TNIP3: variants seen among roughly 807,000 people sequenced by gnomAD.
TNIP3 encodes the protein TNFAIP3 interacting protein 3, also known as TNFAIP3-interacting protein 3.
In TNIP3, 34 loss-of-function variants were observed where a neutral mutation model predicts 54.1. The ratio of observed to expected loss-of-function variants is 0.63; its 90% CI spans 0.48 to 0.84. The LOEUF (loss-of-function observed/expected upper bound fraction) is 0.84. TNIP3 is among the 40% of genes least tolerant of loss of function. TNIP3 has a pLI of 0.00. For synonymous variants in TNIP3, 134 were observed against 136.8 expected (o/e 0.98, Z 0.14); for missense variants, 366 against 387.6 (o/e 0.94, Z 0.47).
At chr4:121,174,955 G>C (rs186055914) in intron 3 of TNIP3, among the ~76,000 whole-genome samples, 2 of 152,158 alleles carry the variant, frequency 1.3e-5, no homozygotes, top group South Asian at 2.1e-4. Context: ...GAGAAAGAAG[G>C]CTTATTGATG....
chr4:121,144,446 G>A (rs549341297), intron 7 of TNIP3, among the ~76,000 whole-genome samples: 2 of 152,180 alleles, frequency 1.3e-5, no homozygotes, highest in South Asian at 2.1e-4. Context: ...CTGTTGCCCA[G>A]ACTGGAATGC....
chr4:121,213,522 C>A (rs778419919), intron 2 of TNIP3, among the ~76,000 whole-genome samples: 1 of 151,852 alleles, frequency 6.6e-6, no homozygotes, highest in South Asian at 2.1e-4. Context: ...GTCAGGAGAT[C>A]GAGACCATTC....
chr4:121,149,530 G>C (rs945007358), intron 6 of TNIP3, among the ~76,000 whole-genome samples: 1 of 152,182 alleles, frequency 6.6e-6, no homozygotes, highest in African/African-American at 2.4e-5. Context: ...ACTTTGGAAG[G>C]CCGAGGCAGG....
At position 121,176,513 on chromosome 4, in the gene TNIP3, T is replaced by TGA. The variant is rs1305921286; in HGVS notation, c.189+6162_189+6163insTC. On this transcript the variant is annotated intron_variant, in intron 3 of 12. Transcript: ENST00000507879. ...GAGGCTCAAGCTCATCCTACTAGCA[T>TGA]TATGATGATGATGATGATGATGATG... 4.4e-3 allele frequency among the ~76,000 whole-genome samples: 480 copies of TGA among 108,720 alleles called. 3 individuals carry two copies. Among genetic ancestry groups the TGA allele is most frequent in the African/African-American group, 0.013 (454 of 33,636 alleles). 71.3% of individuals were successfully genotyped at this position (108,720 alleles called of 152,430 possible).
chr4:121,204,244 C>A (rs1305347706), intron 2 of TNIP3, among the ~76,000 whole-genome samples: 6 of 152,138 alleles, frequency 3.9e-5, no homozygotes, highest in Non-Finnish European at 8.8e-5. Flanking sequence ...TTCAAAGTCA[C>A]CCCTTTGTTC....
At chr4:121,197,647 TA>T (rs1725672002) in intron 2 of TNIP3, among the ~76,000 whole-genome samples, 1 of 152,142 alleles carries the variant, frequency 6.6e-6, no homozygotes, top group South Asian at 2.1e-4. Context: ...AGATTATCTT[TA>T]ACATGTAAAT....
intron 3 of TNIP3, 122 bp from the exon 4 acceptor site, chr4:121,157,365 G>T (rs1730181416): frequency 7.3e-6 from 9 of 1,237,504 alleles, no homozygotes; most frequent in Non-Finnish European, 1.0e-5. Context: ...CCTAAGGAGA[G>T]GTTCTAGCTC....
At chr4:121,173,494 G>A (rs1724106424) in intron 3 of TNIP3, among the ~76,000 whole-genome samples, 1 of 152,194 alleles carries the variant, frequency 6.6e-6, no homozygotes, top group South Asian at 2.1e-4. Flanking sequence ...TTTTAAAACT[G>A]TAATCTGTGT....
chr4:121,166,430 C>CCA (rs1730770808), upstream of TNIP3, among the ~76,000 whole-genome samples: 2 of 152,292 alleles, frequency 1.3e-5, no homozygotes, highest in South Asian at 4.1e-4. Flanking sequence ...TCACATTGTG[C>CCA]CACATATTTT....
chr4:121,174,626 A>G (rs1443976349), intron 3 of TNIP3, among the ~76,000 whole-genome samples: 1 of 152,064 alleles, frequency 6.6e-6, no homozygotes, highest in African/African-American at 2.4e-5. Flanking sequence ...GGTTTTAATG[A>G]CAAACGTTTA....
chr4:121,212,716 G>C, intron 2 of TNIP3, among the ~76,000 whole-genome samples: 1 of 152,142 alleles, frequency 6.6e-6, no homozygotes, highest in East Asian at 1.9e-4. Flanking sequence ...TACATTTTCA[G>C]GGATGTCTGT....
intron 2 of TNIP3, among the ~76,000 whole-genome samples, chr4:121,201,748 T>C (rs562117931): frequency 4.6e-5 from 7 of 152,358 alleles, no homozygotes; most frequent in African/African-American, 1.7e-4. Context: ...TATTCATTTA[T>C]TCAACAGTTA....
Position 121,132,606 on chromosome 4 carries a change from T to G in TNIP3, c.*25A>C. The G allele has an allele frequency of 1.2e-6, 2 of 1,611,480 alleles. No homozygotes were observed. Among genetic ancestry groups the G allele is most frequent in the Admixed American group, 3.3e-5 (2 of 59,976 alleles). Reference sequence around the variant, plus strand: ...TCAGCCACGCTCCCTCGTTGCCTGTTGTCTCTCTCTGTTAGTGTGTACTTC... The same window carrying G: ...TCAGCCACGCTCCCTCGTTGCCTGTGGTCTCTCTCTGTTAGTGTGTACTTC... On this transcript the variant is annotated 3_prime_UTR_variant, in exon 11 of 11. Coordinates refer to ENST00000057513, the MANE Select transcript of TNIP3 (RefSeq NM_024873.6).
intron 1 of TNIP3, among the ~76,000 whole-genome samples, chr4:121,162,848 TTA>T (rs1730535615): frequency 6.6e-6 from 1 of 152,210 alleles, no homozygotes; most frequent in African/African-American, 2.4e-5. Flanking sequence ...AGGGAATAAA[TTA>T]TGGGTCCTCA....
intron 2 of TNIP3, among the ~76,000 whole-genome samples, chr4:121,186,767 A>C (rs1368009563): frequency 6.6e-6 from 1 of 152,226 alleles, no homozygotes; most frequent in African/African-American, 2.4e-5. Flanking sequence ...CCATAAATTT[A>C]GTATACCACC....
At chr4:121,160,989 G>A (rs946712232) in intron 2 of TNIP3, 147 bp downstream of exon 2, 16 of 661,686 alleles carry the variant, frequency 2.4e-5, no homozygotes, top group East Asian at 8.5e-5. Context: ...GAAAGAAGGC[G>A]TTTGCTTTCA....
At chr4:121,166,735 T>A (rs2148818729), upstream of TNIP3, among the ~76,000 whole-genome samples, 1 of 152,328 alleles carries the variant, frequency 6.6e-6, no homozygotes, top group African/African-American at 2.4e-5. Context: ...TTGGAGGCAT[T>A]CTTTGGCAGG....
intron 2 of TNIP3, among the ~76,000 whole-genome samples, chr4:121,204,460 G>A (rs13109100): frequency 6.6e-6 from 1 of 151,978 alleles, no homozygotes; most frequent in South Asian, 2.1e-4. Context: ...ACAATCAAAC[G>A]GTGCGCTGAC....
Position 121,177,747 on chromosome 4 carries a change from A to G in TNIP3, c.189+4929T>C, listed in dbSNP as rs568119349. ...TTATATTTTTTCCCTTTCTATCAAT[A>G]TCTCAGCAAAAATGTGAAGGTCTTT... On this transcript the variant is annotated intron_variant, in intron 3 of 12. Coordinates refer to the TNIP3 transcript ENST00000507879. 6.1e-4 allele frequency among the ~76,000 whole-genome samples: 93 copies of G among 152,300 alleles called. 1 individual carries two copies. The highest frequency in any genetic ancestry group is 3.4e-3 in the Middle Eastern group (1 of 294).
Sources: allele counts gnomAD v4.1 joint callset (sites outside exome capture counted in the v4.1 genomes callset), GRCh38; gene constraint gnomAD v4.1.1; transcripts MANE v1.5; gene names NCBI Gene and HGNC (gene_info 2026-07-23, HGNC 2026-07-21).